Variants in PRKCA observed in about 807,000 individuals in gnomAD.
The protein encoded by PRKCA is protein kinase C alpha type.
A neutral mutation model predicts 87.0 loss-of-function variants in PRKCA; 27 were observed. The observed-to-expected ratio is 0.31, with a 90% CI of 0.23 to 0.43. The LOEUF is 0.43. Ranked by LOEUF, PRKCA falls within the 20% of genes least tolerant of loss-of-function variation. The pLI, the probability that PRKCA is intolerant of heterozygous loss-of-function variation, is 1.00. For missense variants in PRKCA, 518 were observed against 852.3 expected (o/e 0.61, Z 4.88); for synonymous variants, 329 against 311.1 (o/e 1.06, Z -0.61).
At chr17:66,593,020 G>A (rs891892233) in intron 3 of PRKCA, among the ~76,000 whole-genome samples, 3 of 152,138 alleles carry the variant, frequency 2.0e-5, no homozygotes, top group Non-Finnish European at 4.4e-5. Flanking sequence ...TCGAACTCCC[G>A]ACCTCATGAT....
chr17:66,704,669 T>C (rs907087442), intron 8 of PRKCA, among the ~76,000 whole-genome samples: 1 of 152,230 alleles, frequency 6.6e-6, no homozygotes, highest in African/African-American at 2.4e-5. Flanking sequence ...ACAGGAAGTA[T>C]CACCCTGGAT....
intron 2 of PRKCA, among the ~76,000 whole-genome samples, chr17:66,312,493 A>G (rs906786451): frequency 1.3e-5 from 2 of 152,202 alleles, no homozygotes; most frequent in African/African-American, 2.4e-5. Context: ...TTAGCAAGAC[A>G]TTGGAAGACT....
intron 3 of PRKCA, among the ~76,000 whole-genome samples, chr17:66,572,209 G>A (rs1969099481): frequency 6.6e-6 from 1 of 152,244 alleles, no homozygotes; most frequent in African/African-American, 2.4e-5. Flanking sequence ...GCGCACGCCT[G>A]TAATCCCAGC....
At chr17:66,633,808 C>T (rs1384174253) in intron 3 of PRKCA, among the ~76,000 whole-genome samples, 2 of 152,184 alleles carry the variant, frequency 1.3e-5, no homozygotes, top group African/African-American at 4.8e-5. Flanking sequence ...CATCAAAAAA[C>T]ATCATTGGTT....
intron 13 of PRKCA, among the ~76,000 whole-genome samples, chr17:66,765,424 A>ATATCTATATATCTATATATC (rs1974781015): frequency 2.2e-4 from 27 of 122,696 alleles, no homozygotes; most frequent in Admixed American, 2.0e-3. Flanking sequence ...TTGTCTATAT[A>ATATCTATATATCTATATATC]TATATATATA....
chr17:66,614,342 A>T (rs539669331), intron 3 of PRKCA, among the ~76,000 whole-genome samples: 3 of 152,224 alleles, frequency 2.0e-5, no homozygotes, highest in Non-Finnish European at 2.9e-5. Flanking sequence ...GAAGGACTCT[A>T]AAAATCCAGA....
intron 2 of PRKCA, among the ~76,000 whole-genome samples, chr17:66,433,298 C>CCCTGGT (rs1432409792): frequency 6.6e-6 from 1 of 152,170 alleles, no homozygotes; most frequent in African/African-American, 2.4e-5. Context: ...CCGGCCCTGG[C>CCCTGGT]CCTGGTCCTG....
intron 14 of PRKCA, chr17:66,775,268 C>G (rs776275378): frequency 1.0e-6 from 1 of 984,870 alleles, no homozygotes; most frequent in South Asian, 4.7e-5. Flanking sequence ...TTTCTCCTGT[C>G]CGTCAGCCCT....
chr17:66,618,173 G>A (rs1168990702), intron 3 of PRKCA, among the ~76,000 whole-genome samples: 1 of 151,984 alleles, frequency 6.6e-6, no homozygotes, highest in African/African-American at 2.4e-5. Context: ...TGACCAACAT[G>A]GCAAAACCCC....
intron 13 of PRKCA, among the ~76,000 whole-genome samples, chr17:66,762,737 C>G (rs1026953501): frequency 6.6e-6 from 1 of 152,180 alleles, no homozygotes. Context: ...CCTCAGCAAG[C>G]CACTGTGCCA....
At chr17:66,354,703 A>G (rs1201754974) in intron 2 of PRKCA, among the ~76,000 whole-genome samples, 1 of 152,148 alleles carries the variant, frequency 6.6e-6, no homozygotes, top group African/African-American at 2.4e-5. Context: ...CTCTTAGGCC[A>G]TTAATCCTAT....
chr17:66,393,225 A>G (rs1163439034), intron 2 of PRKCA, among the ~76,000 whole-genome samples: 1 of 152,014 alleles, frequency 6.6e-6, no homozygotes, highest in Non-Finnish European at 1.5e-5. Context: ...AAGGTTAACC[A>G]CTCTGGTTAG....
chr17:66,755,379 G>A (rs182209800), intron 13 of PRKCA, among the ~76,000 whole-genome samples: 101 of 152,214 alleles, frequency 6.6e-4, no homozygotes, highest in African/African-American at 2.2e-3. Flanking sequence ...GTCCAGTCAC[G>A]CCTCCTTAAT....
intron 5 of PRKCA, among the ~76,000 whole-genome samples, chr17:66,678,317 C>T (rs2143986862): frequency 6.6e-6 from 1 of 152,302 alleles, no homozygotes; most frequent in African/African-American, 2.4e-5. Context: ...TGATTTTGGC[C>T]TGGTGATGTG....
intron 2 of PRKCA, among the ~76,000 whole-genome samples, chr17:66,489,396 T>TATATATATATATA (rs1916131496): frequency 1.6e-5 from 2 of 124,370 alleles, no homozygotes; most frequent in African/African-American, 3.1e-5. Flanking sequence ...TATATATATA[T>TATATATATATATA]TTCCCCCCTC....
intron 3 of PRKCA, among the ~76,000 whole-genome samples, chr17:66,516,095 A>T (rs1966960756): frequency 1.3e-5 from 2 of 152,242 alleles, no homozygotes; most frequent in Admixed American, 6.5e-5. Flanking sequence ...GTGTATTAAT[A>T]AACTCAGTAT....
intron 2 of PRKCA, among the ~76,000 whole-genome samples, chr17:66,456,607 A>G (rs772328298): frequency 2.0e-5 from 3 of 152,162 alleles, no homozygotes; most frequent in African/African-American, 4.8e-5. Flanking sequence ...CTGGCTTCCA[A>G]CCACAGGTTC....
At chr17:66,670,686 G>T (rs1448539160) in intron 5 of PRKCA, among the ~76,000 whole-genome samples, 1 of 151,590 alleles carries the variant, frequency 6.6e-6, no homozygotes, top group Non-Finnish European at 1.5e-5. Flanking sequence ...TGGTGAAATC[G>T]CCATCTCTAC....
chr17:66,349,413 TA>T (rs1318178545), intron 2 of PRKCA, among the ~76,000 whole-genome samples: 4 of 152,050 alleles, frequency 2.6e-5, no homozygotes, highest in Non-Finnish European at 5.9e-5. Context: ...GGAAAACCAG[TA>T]GCCAACACTA....
Sources: allele counts gnomAD v4.1 joint callset (sites outside exome capture counted in the v4.1 genomes callset), GRCh38; gene constraint gnomAD v4.1.1; transcripts MANE v1.5; gene names NCBI Gene and HGNC (gene_info 2026-07-23, HGNC 2026-07-21).